ZBTB16: variants seen among roughly 807,000 people sequenced by gnomAD.
ZBTB16 encodes the protein zinc finger and BTB domain containing 16.
A neutral mutation model predicts 56.8 loss-of-function variants in ZBTB16; 8 were observed. The observed-to-expected ratio is 0.14, with a 90% CI of 0.08 to 0.25. The LOEUF (loss-of-function observed/expected upper bound fraction) is 0.25. Among genes scored for constraint, ZBTB16 ranks in the 10% least tolerant of loss-of-function variants. ZBTB16 has a pLI of 1.00. For missense variants in ZBTB16, 625 were observed against 903.0 expected (o/e 0.69, Z 3.95); for synonymous variants, 363 against 368.5 (o/e 0.98, Z 0.17).
intron 4 of ZBTB16, among the ~76,000 whole-genome samples, chr11:114,215,429 T>A (rs767491210): frequency 6.6e-6 from 1 of 152,162 alleles, no homozygotes; most frequent in African/African-American, 2.4e-5. Context: ...AGACCTCACA[T>A]CTCATTGGCT....
chr11:114,099,839 C>T (rs993916007), intron 2 of ZBTB16, among the ~76,000 whole-genome samples: 1 of 152,230 alleles, frequency 6.6e-6, no homozygotes, highest in Non-Finnish European at 1.5e-5. Flanking sequence ...AGTCATTGAA[C>T]TTCAAAGTGT....
chr11:114,102,818 G>A (rs1292341893), intron 2 of ZBTB16, among the ~76,000 whole-genome samples: 2 of 152,108 alleles, frequency 1.3e-5, no homozygotes, highest in Non-Finnish European at 2.9e-5. Flanking sequence ...TTTTTGTGTG[G>A]CTTTCTTCTT....
chr11:114,166,120 A>C (rs926563734), intron 3 of ZBTB16, among the ~76,000 whole-genome samples: 1 of 151,742 alleles, frequency 6.6e-6, no homozygotes, highest in African/African-American at 2.4e-5. Context: ...CAGGTGTTCA[A>C]CTGCCTAGGT....
At chr11:114,155,244 C>T (rs534553) in intron 2 of ZBTB16, among the ~76,000 whole-genome samples, 17 of 152,326 alleles carry the variant, frequency 1.1e-4, no homozygotes, top group African/African-American at 3.1e-4. Context: ...CCCCTGGGGA[C>T]GTTGCAGGGA....
intron 2 of ZBTB16, among the ~76,000 whole-genome samples, chr11:114,150,653 T>G (rs80116387): frequency 6.6e-6 from 1 of 152,202 alleles, no homozygotes; most frequent in African/African-American, 2.4e-5. Flanking sequence ...CCTTTGTCAT[T>G]TGAATTAAAG....
chr11:114,060,899 C>A lies in ZBTB16; in HGVS notation c.-91+1017C>A, dbSNP rs1350957724. ...GAGGGAGGGCGGGCAGACCCCTTCT[C>A]GCCTTTCCTCCCACAACTCGCTGCG... On this transcript the variant is annotated intron_variant, in intron 1 of 6. Coordinates refer to ENST00000335953, the MANE Select transcript of ZBTB16 (RefSeq NM_006006.6). This position sits in a 1 kb window ranked among gnomAD's most constrained non-coding sequence, Gnocchi z 6.0. 6.6e-6 allele frequency among the ~76,000 whole-genome samples: 1 copy of A among 152,146 alleles called. No individual in the cohort carries two copies. Among genetic ancestry groups the A allele is most frequent in the African/African-American group, 2.4e-5 (1 of 41,440 alleles).
Position 114,064,607 on chromosome 11 carries a change from G to A in ZBTB16, c.1268+39G>A. ...CAGCCCCGCACCTGATGTAGGACTT[G>A]AGGCCCTCACACCCCTCCTTCACAC... is the stretch of plus-strand genomic sequence containing the variant. On this transcript the variant is annotated intron_variant, in intron 2 of 6. Transcript: ENST00000335953. This position sits in a 1 kb window ranked among gnomAD's most constrained non-coding sequence, Gnocchi z 4.2. The A allele has an allele frequency of 6.2e-7, 1 of 1,609,630 alleles. No individual in the cohort carries two copies. Among genetic ancestry groups the A allele is most frequent in the Non-Finnish European group, 8.5e-7 (1 of 1,179,168 alleles).
At chr11:114,200,823 A>G (rs1440730988) in intron 4 of ZBTB16, among the ~76,000 whole-genome samples, 3 of 151,856 alleles carry the variant, frequency 2.0e-5, no homozygotes, top group African/African-American at 4.8e-5. Context: ...CTGACTTCTC[A>G]CCCTTCTCCT....
chr11:114,114,804 C>T (rs1480199374), intron 2 of ZBTB16, among the ~76,000 whole-genome samples: 1 of 151,908 alleles, frequency 6.6e-6, no homozygotes, highest in Admixed American at 6.5e-5. Flanking sequence ...GTCAGCCTCC[C>T]GAGTAGCTGG....
intron 3 of ZBTB16, among the ~76,000 whole-genome samples, chr11:114,179,603 A>T (rs1487452783): frequency 6.6e-6 from 1 of 152,210 alleles, no homozygotes; most frequent in East Asian, 1.9e-4. Flanking sequence ...AAAAAAGGAC[A>T]CACCACTCAA....
At chr11:114,192,347 C>A (rs756645497) in intron 4 of ZBTB16, among the ~76,000 whole-genome samples, 3 of 152,096 alleles carry the variant, frequency 2.0e-5, no homozygotes, top group Non-Finnish European at 4.4e-5. Context: ...CACAGGTCAG[C>A]CCCAGATAGA....
At chr11:114,191,101 A>G (rs2135073461) in intron 4 of ZBTB16, among the ~76,000 whole-genome samples, 1 of 152,330 alleles carries the variant, frequency 6.6e-6, no homozygotes, top group South Asian at 2.1e-4. Context: ...TGTCATGAGA[A>G]TAGCACCAAG....
At chr11:114,126,224 C>T (rs1002767541) in intron 2 of ZBTB16, among the ~76,000 whole-genome samples, 1 of 152,202 alleles carries the variant, frequency 6.6e-6, no homozygotes, top group South Asian at 2.1e-4. Context: ...TTGTCTAATG[C>T]CAGCTCTGCC....
intron 4 of ZBTB16, chr11:114,209,848 T>G: frequency 1.0e-6 from 1 of 985,428 alleles, no homozygotes; most frequent in Non-Finnish European, 1.2e-6. Context: ...CATCCTGCTG[T>G]GGGTCTCATG....
At chr11:114,126,927 T>G (rs17116443) in intron 2 of ZBTB16, among the ~76,000 whole-genome samples, 12,911 of 152,218 alleles carry the variant, frequency 0.085, 636 homozygotes, top group Middle Eastern at 0.16. Context: ...GTTCCTTGAT[T>G]GTTTTGGGTG....
intron 3 of ZBTB16, among the ~76,000 whole-genome samples, chr11:114,162,228 G>A (rs1256726834): frequency 6.6e-6 from 1 of 152,220 alleles, no homozygotes; most frequent in African/African-American, 2.4e-5. Context: ...CCTCTGTCGC[G>A]GTTGGACGGA....
At chr11:114,224,901 G>A (rs952969833) in intron 4 of ZBTB16, among the ~76,000 whole-genome samples, 1 of 152,188 alleles carries the variant, frequency 6.6e-6, no homozygotes, top group South Asian at 2.1e-4. Context: ...GATATCAAAG[G>A]CAAACAGTTT....
chr11:114,242,761 C>T (rs1944736698), intron 5 of ZBTB16, among the ~76,000 whole-genome samples: 1 of 152,192 alleles, frequency 6.6e-6, no homozygotes, highest in Non-Finnish European at 1.5e-5. Flanking sequence ...ACTCTTGATG[C>T]CCCGCCGCTC....
intron 3 of ZBTB16, among the ~76,000 whole-genome samples, chr11:114,164,208 T>C (rs1316561016): frequency 6.6e-6 from 1 of 152,196 alleles, no homozygotes; most frequent in Non-Finnish European, 1.5e-5. Context: ...GCCTGTCAGA[T>C]AGAACATTAC....
Sources: allele counts gnomAD v4.1 joint callset (sites outside exome capture counted in the v4.1 genomes callset), GRCh38; gene constraint gnomAD v4.1.1; non-coding constraint Gnocchi (gnomAD v3.1); transcripts MANE v1.5; gene names NCBI Gene and HGNC (gene_info 2026-07-23, HGNC 2026-07-21).